COG1: variants seen among roughly 807,000 people sequenced by gnomAD.
The protein encoded by COG1 is conserved oligomeric Golgi complex subunit 1.
COG1 carries 61 observed loss-of-function variants against 102.2 expected under a neutral mutation model. That is an observed-to-expected ratio of 0.60 (90% CI 0.49 to 0.74). The LOEUF is 0.74. Ranked by LOEUF, COG1 falls within the 30% of genes least tolerant of loss-of-function variation. The pLI, the probability that COG1 is intolerant of heterozygous loss-of-function variation, is 0.00. For missense variants in COG1, 1,164 were observed against 1,232.1 expected (o/e 0.94, Z 0.83); for synonymous variants, 454 against 493.6 (o/e 0.92, Z 1.06).
rs185537858 is a variant in COG1 at position 73,201,038 on chromosome 17, C to T, written c.1282-71C>T. On this transcript the variant is annotated intron_variant, in intron 6 of 13. Coordinates refer to ENST00000299886, the MANE Select transcript of COG1 (RefSeq NM_018714.3). ...CCTTCTGAATGCTAGGATAAATTAC[C>T]ATTTGGTACTTTTGTTTTGAAATGT... 285 of 1,374,086 alleles carry T rather than the reference C, an allele frequency of 2.1e-4. 2 individuals carry two copies. In the East Asian group the frequency reaches 5.9e-3, roughly 29 times the overall value. The allele number at this position is 1,374,086 out of a possible 1,614,324, so 85.1% of individuals were successfully genotyped here.
Position 73,203,108 on chromosome 17 carries a change from G to T in COG1, c.2182G>T (p.Gly728Cys). 1 of 1,614,204 alleles carries T rather than the reference G, an allele frequency of 6.2e-7. No individual in the cohort carries two copies. Reference sequence around the variant, plus strand: ...AGAAATTCAGGAGGAGGCAGAGTCTGGCAGCAGTGTCACATCCAAGATCCG... The same window carrying T: ...AGAAATTCAGGAGGAGGCAGAGTCTTGCAGCAGTGTCACATCCAAGATCCG... ...ELEIQEEAES[G>C]SSVTSKIRLP... Residue 728 changes from glycine to cysteine, a missense_variant, in exon 8 of 14, where the codon GGC becomes TGC. By Grantham distance (159) the Gly-to-Cys change is radical (BLOSUM62 -3). Coordinates refer to ENST00000299886, the MANE Select transcript of COG1 (RefSeq NM_018714.3).
intron 7 of COG1, among the ~76,000 whole-genome samples, chr17:73,202,792 A>G (rs1334949679): frequency 6.6e-6 from 1 of 152,232 alleles, no homozygotes; most frequent in East Asian, 1.9e-4. Context: ...TCTCAAAAAA[A>G]AAGAAGTGGT....
rs772932593 is a variant in COG1 at position 73,197,314 on chromosome 17, A to T, written c.831A>T (p.Pro277=). ...KQAHALFYTL[P]EGLLPDPALP... Reference sequence around the variant, plus strand: ...CTCATGCCCTTTTCTACACTTTGCCAGAAGGACTGCTGCCAGATCCAGCCC... The same window carrying T: ...CTCATGCCCTTTTCTACACTTTGCCTGAAGGACTGCTGCCAGATCCAGCCC... Residue 277 remains proline, a synonymous_variant, in exon 4 of 14, where the codon CCA becomes CCT. Coordinates refer to ENST00000299886, the MANE Select transcript of COG1 (RefSeq NM_018714.3). 1 of 1,614,224 alleles carries T rather than the reference A, an allele frequency of 6.2e-7. No homozygotes were observed.
intron 13 of COG1, 82 bp from the exon 14 acceptor site, chr17:73,208,232 T>C: frequency 6.2e-7 from 1 of 1,606,154 alleles, no homozygotes; most frequent in Non-Finnish European, 8.5e-7. Context: ...CCGTGTGGAC[T>C]CCGAGTGGCG....
chr17:73,206,888 G>A (rs1002062067), intron 12 of COG1, 71 bp downstream of exon 12: 11 of 1,080,282 alleles, frequency 1.0e-5, no homozygotes, highest in East Asian at 2.4e-5. Flanking sequence ...TCAGGAGATC[G>A]AGACCATCCT....
chr17:73,208,038 C>A, intron 13 of COG1: 1 of 1,353,678 alleles, frequency 7.4e-7, no homozygotes. Context: ...TCAGTTCTGC[C>A]CACATTAGGT....
chr17:73,198,687 G>A (rs1463445612), intron 4 of COG1, among the ~76,000 whole-genome samples: 2 of 152,198 alleles, frequency 1.3e-5, no homozygotes, highest in African/African-American at 4.8e-5. Flanking sequence ...CAGATCGCTG[G>A]GAGGTCTAGT....
intron 4 of COG1, among the ~76,000 whole-genome samples, chr17:73,198,091 T>C (rs1252934974): frequency 6.6e-6 from 1 of 152,148 alleles, no homozygotes; most frequent in African/African-American, 2.4e-5. Context: ...GGGGCTAGAA[T>C]GGATGCCAAG....
In COG1 at chr17:73,196,914, A is replaced by C. The variant is rs141340733; in HGVS notation, c.575A>C (p.His192Pro). ...CATTTTTCTAGGTCAACTATTCTGCATGAAAGCAAGATGTTGCTCAAATGC... is the reference window on the plus strand; with the variant it reads ...CATTTTTCTAGGTCAACTATTCTGCCTGAAAGCAAGATGTTGCTCAAATGC... ...AASHFRSTIL[H>P]ESKMLLKCQG... Residue 192 changes from histidine (H) to proline (P), a missense_variant, in exon 3 of 14, where the codon CAT becomes CCT. Coordinates refer to ENST00000299886, the MANE Select transcript of COG1 (RefSeq NM_018714.3). The C allele has an allele frequency of 4.8e-5, 77 of 1,614,118 alleles. 1 individual carries two copies. The Admixed American group carries it at 1.1e-3, about 24-fold the overall frequency.
Position 73,201,177 on chromosome 17 carries a change from G to A in COG1, c.1350G>A (p.Gln450=), listed in dbSNP as rs143699348. 7.2e-5 allele frequency: 117 copies of A among 1,614,222 alleles called. No individual in the cohort carries two copies. The African/African-American group carries it at 1.5e-3, about 21-fold the overall frequency. Reference sequence around the variant, plus strand: ...AGGAGCTCTTGGTTTCAGCTTTGCAGGAACTTGAAAGCAGCACCAGCAACT... The same window carrying A: ...AGGAGCTCTTGGTTTCAGCTTTGCAAGAACTTGAAAGCAGCACCAGCAACT... ...SSKELLVSAL[Q]ELESSTSNSP... The change falls in exon 7 of 14, where the codon CAG becomes CAA. Residue 450 remains glutamine (Q), a synonymous_variant. Coordinates refer to ENST00000299886, the MANE Select transcript of COG1 (RefSeq NM_018714.3).
intron 10 of COG1, 103 bp downstream of exon 10, chr17:73,205,783 A>G: frequency 2.1e-6 from 3 of 1,448,106 alleles, no homozygotes; most frequent in Non-Finnish European, 2.9e-6. Context: ...CTGCACATTC[A>G]TTGTGTTTGT....
At chr17:73,206,120 A>C in intron 10 of COG1, 34 bp from the exon 11 acceptor site, 1 of 1,498,170 alleles carries the variant, frequency 6.7e-7, no homozygotes, top group South Asian at 1.1e-5. Flanking sequence ...ATCCTAAAAA[A>C]TGTGGACAGT....
At chr17:73,206,974 T>C in intron 12 of COG1, 157 bp downstream of exon 12, 1 of 707,952 alleles carries the variant, frequency 1.4e-6, no homozygotes, top group South Asian at 1.7e-5. Context: ...GTGCCTATAG[T>C]CCCAGCTATT....
chr17:73,202,567 T>C lies in COG1; in HGVS notation c.2074-433T>C, dbSNP rs569845122. On this transcript the variant is annotated intron_variant, in intron 7 of 13. Coordinates refer to ENST00000299886, the MANE Select transcript of COG1 (RefSeq NM_018714.3). ...CTTTGGGAGGCTGAGATGGTTGGAT[T>C]GTGTGAACCCAGGAATTCAAGACCA... Among the ~76,000 whole-genome samples the C allele has an allele frequency of 6.6e-5, 10 of 152,168 alleles. 1 individual carries two copies. The South Asian group carries it at 2.1e-3, about 32-fold the overall frequency.
chr17:73,203,551 G>T, intron 8 of COG1, 81 bp from the exon 9 acceptor site: 1 of 1,554,740 alleles, frequency 6.4e-7, no homozygotes, highest in South Asian at 1.1e-5. Flanking sequence ...CATAGGCCTT[G>T]TAAGATTAAG....
chr17:73,207,242 G>C lies in COG1; in HGVS notation c.2791G>C (p.Glu931Gln). The C allele has an allele frequency of 6.2e-7, 1 of 1,613,844 alleles. No homozygotes were observed. The highest frequency in any genetic ancestry group is 8.5e-7 in the Non-Finnish European group (1 of 1,179,988). Residue 931 changes from glutamate (E) to glutamine (Q), a missense_variant, in exon 13 of 14, where the codon GAA (glutamate) becomes CAA (glutamine). Coordinates refer to ENST00000299886, the MANE Select transcript of COG1 (RefSeq NM_018714.3). ...TRKAKSTRNI[E>Q]TKAQVVPPAR... ...AAAGGCTAAATCAACCAGAAACATCGAAACAAAAGCTCAGGTTGGTGCCAA... is the reference window on the plus strand; with the variant it reads ...AAAGGCTAAATCAACCAGAAACATCCAAACAAAAGCTCAGGTTGGTGCCAA...
In COG1 at chr17:73,201,859, A is replaced by T. The variant is rs142944029; in HGVS notation, c.2032A>T (p.Ser678Cys). The T allele has an allele frequency of 5.6e-6, 9 of 1,614,100 alleles. No homozygotes were observed. The African/African-American group carries it at 1.2e-4, about 22-fold the overall frequency. ...GGTTAAAGAAGTACTCCTCCAGCAG[A>T]GCGTGATGGGCTACCAGGTCTGGAG... ...QEVKEVLLQQSVMGYQVWSSA... is the reference protein window; with the variant it reads ...QEVKEVLLQQCVMGYQVWSSA... The change falls in exon 7 of 14, where the codon AGC becomes TGC. Residue 678 changes from serine to cysteine, a missense_variant. Transcript: ENST00000299886.
In COG1 at chr17:73,207,166, C is replaced by T; in HGVS notation, c.2730-15C>T. 2 of 1,606,498 alleles carry T rather than the reference C, an allele frequency of 1.2e-6. No individual in the cohort carries two copies. The highest frequency in any genetic ancestry group is 1.7e-6 in the Non-Finnish European group (2 of 1,176,082). On this transcript the variant is annotated splice_polypyrimidine_tract_variant and intron_variant, in intron 12 of 13. Transcript: ENST00000299886. ...GCCTGTTTGTGCTACTAAATTCTTTCCTCTTGTTTTGGAGGTTTGGACTTC... is the reference window on the plus strand; with the variant it reads ...GCCTGTTTGTGCTACTAAATTCTTTTCTCTTGTTTTGGAGGTTTGGACTTC...
Position 73,206,652 on chromosome 17 carries a change from T to C in COG1, c.2620-56T>C, listed in dbSNP as rs2061374305. On this transcript the variant is annotated intron_variant, in intron 11 of 13. Transcript: ENST00000299886. ...GGGTGACTAACCTTTTTTTTTTTTT[T>C]TTTGCCTTTCTTTTACCTGCACAAT... 1.8e-5 allele frequency: 21 copies of C among 1,170,066 alleles called. 1 individual carries two copies. In the South Asian group the frequency reaches 2.7e-4, roughly 15 times the overall value. 72.5% of individuals were successfully genotyped at this position (1,170,066 alleles called of 1,614,324 possible). A position where few individuals can be genotyped will look rare whatever the true frequency, so the allele number is the denominator to read the frequency against.
Sources: gnomAD v4.1 joint callset for allele counts (sites outside exome capture counted in the v4.1 genomes callset) on GRCh38, gnomAD v4.1.1 for gene constraint, MANE v1.5 for transcripts, NCBI Gene and HGNC (gene_info 2026-07-23, HGNC 2026-07-21) for gene names.